MACROD2: variants seen among roughly 807,000 people sequenced by gnomAD.
MACROD2 encodes ADP-ribose glycohydrolase MACROD2.
MACROD2 carries 36 observed loss-of-function variants against 70.4 expected under a neutral mutation model. The ratio of observed to expected loss-of-function variants is 0.51; its 90% CI spans 0.39 to 0.68. MACROD2 has a LOEUF of 0.68. MACROD2 is among the 30% of genes least tolerant of loss of function. The pLI is 0.00. For missense variants in MACROD2, 496 were observed against 538.4 expected (o/e 0.92, Z 0.78); for synonymous variants, 172 against 178.8 (o/e 0.96, Z 0.30).
chr20:15,154,192 A>G (rs759872680), intron 5 of MACROD2, among the ~76,000 whole-genome samples: 5 of 152,224 alleles, frequency 3.3e-5, no homozygotes, highest in Non-Finnish European at 5.9e-5. Flanking sequence ...ATCCTAGGAC[A>G]TGGAAGAAGC....
At chr20:14,709,480 A>G (rs2071311777) in intron 5 of MACROD2, among the ~76,000 whole-genome samples, 1 of 152,280 alleles carries the variant, frequency 6.6e-6, no homozygotes, top group Middle Eastern at 3.4e-3. Context: ...AAACCACTGT[A>G]TCCAGTATAT....
intron 4 of MACROD2, among the ~76,000 whole-genome samples, chr20:14,559,532 A>G (rs2123286699): frequency 6.6e-6 from 1 of 151,856 alleles, no homozygotes; most frequent in South Asian, 2.1e-4. Flanking sequence ...TGCTTCAAGC[A>G]TTATCTTTTA....
chr20:14,378,970 G>A (rs1383461749), intron 3 of MACROD2, among the ~76,000 whole-genome samples: 1 of 152,088 alleles, frequency 6.6e-6, no homozygotes, highest in Non-Finnish European at 1.5e-5. Flanking sequence ...GGTTAGAAGT[G>A]GGATGATTCC....
intron 7 of MACROD2, among the ~76,000 whole-genome samples, chr20:15,488,572 A>G (rs1185482824): frequency 6.6e-6 from 1 of 152,204 alleles, no homozygotes; most frequent in East Asian, 1.9e-4. Flanking sequence ...CCCATAGTGC[A>G]GAGGAAGCCC....
intron 4 of MACROD2, among the ~76,000 whole-genome samples, chr20:14,497,457 GA>G (rs974317816): frequency 7.2e-5 from 11 of 151,750 alleles, no homozygotes; most frequent in Admixed American, 2.0e-4. Flanking sequence ...AGAAAAATCA[GA>G]ACTGAAGAGC....
intron 5 of MACROD2, among the ~76,000 whole-genome samples, chr20:14,698,307 G>C (rs1178543344): frequency 6.6e-6 from 1 of 152,138 alleles, no homozygotes; most frequent in South Asian, 2.1e-4. Flanking sequence ...CTCAAACTCA[G>C]GCTCTGGACG....
At chr20:14,666,053 G>T (rs13433376) in intron 4 of MACROD2, among the ~76,000 whole-genome samples, 269 of 152,172 alleles carry the variant, frequency 1.8e-3, no homozygotes, top group African/African-American at 6.2e-3. Flanking sequence ...CTACAGGGCC[G>T]AAATTAAAGC....
intron 15 of MACROD2, among the ~76,000 whole-genome samples, chr20:16,040,536 A>G (rs2067294077): frequency 6.6e-6 from 1 of 151,952 alleles, no homozygotes; most frequent in Non-Finnish European, 1.5e-5. Context: ...CCTTTTGAAT[A>G]CCTGGAAATG....
chr20:15,894,169 A>G (rs143968108), intron 10 of MACROD2, among the ~76,000 whole-genome samples: 17 of 152,348 alleles, frequency 1.1e-4, no homozygotes, highest in Non-Finnish European at 2.5e-4. Flanking sequence ...TGAGCTGCTC[A>G]CATGCAGGAC....
chr20:15,846,911 T>TATA (rs1491315029), intron 8 of MACROD2, among the ~76,000 whole-genome samples: 58 of 138,074 alleles, frequency 4.2e-4, no homozygotes, highest in African/African-American at 1.5e-3. Flanking sequence ...AAAAAAAAAA[T>TATA]TATATATATA....
intron 3 of MACROD2, among the ~76,000 whole-genome samples, chr20:14,108,575 T>C (rs2054403354): frequency 6.6e-6 from 1 of 151,306 alleles, no homozygotes; most frequent in Non-Finnish European, 1.5e-5. Flanking sequence ...AGGGAAAAGA[T>C]ATTCCATGTC....
intron 5 of MACROD2, among the ~76,000 whole-genome samples, chr20:14,946,504 G>T (rs903830003): frequency 2.6e-5 from 4 of 152,066 alleles, no homozygotes; most frequent in African/African-American, 7.2e-5. Context: ...AGATATATAT[G>T]AGCCTTTTTC....
chr20:14,146,725 T>G (rs2054947819), intron 3 of MACROD2, among the ~76,000 whole-genome samples: 1 of 152,226 alleles, frequency 6.6e-6, no homozygotes, highest in Admixed American at 6.5e-5. Context: ...GATACTTCTT[T>G]CATCCTATCA....
At chr20:14,679,803 G>A (rs1262967827) in intron 4 of MACROD2, among the ~76,000 whole-genome samples, 1 of 152,118 alleles carries the variant, frequency 6.6e-6, no homozygotes, top group Admixed American at 6.6e-5. Context: ...AATTGAAAGT[G>A]TGGTATGTAG....
chr20:15,664,099 A>C (rs1206463065), intron 8 of MACROD2, among the ~76,000 whole-genome samples: 2 of 152,210 alleles, frequency 1.3e-5, no homozygotes, highest in East Asian at 3.9e-4. Context: ...ATCAGCATTA[A>C]ACTCTGGGAC....
At chr20:14,342,655 C>T (rs934245627) in intron 3 of MACROD2, among the ~76,000 whole-genome samples, 19 of 152,148 alleles carry the variant, frequency 1.2e-4, no homozygotes, top group African/African-American at 3.1e-4. Context: ...TAGCAGGTCA[C>T]GGATGCCTTA....
intron 5 of MACROD2, among the ~76,000 whole-genome samples, chr20:14,768,883 C>T (rs2072128280): frequency 6.6e-6 from 1 of 152,070 alleles, no homozygotes; most frequent in African/African-American, 2.4e-5. Context: ...TAACCAACAC[C>T]TTCTAAAGAG....
At chr20:14,188,987 C>A (rs2081365034) in intron 3 of MACROD2, among the ~76,000 whole-genome samples, 1 of 152,064 alleles carries the variant, frequency 6.6e-6, no homozygotes, top group Admixed American at 6.6e-5. Context: ...TTGTTTTGTG[C>A]ATTCATCTTT....
intron 8 of MACROD2, among the ~76,000 whole-genome samples, chr20:15,560,872 A>G (rs1349947833): frequency 2.1e-5 from 3 of 140,364 alleles, no homozygotes; most frequent in South Asian, 2.4e-4. Context: ...GGTCTGGTTT[A>G]TGTCTAAAAC....
Sources: gnomAD v4.1 joint callset for allele counts (sites outside exome capture counted in the v4.1 genomes callset) on GRCh38, gnomAD v4.1.1 for gene constraint, MANE v1.5 for transcripts, NCBI Gene and HGNC (gene_info 2026-07-23, HGNC 2026-07-21) for gene names.